PACSIN2: variants seen among roughly 807,000 people sequenced by gnomAD.
PACSIN2 encodes protein kinase C and casein kinase substrate in neurons protein 2.
A neutral mutation model predicts 63.8 loss-of-function variants in PACSIN2; 25 were observed. That is an observed-to-expected ratio of 0.39 (90% confidence interval 0.29 to 0.55). The LOEUF (loss-of-function observed/expected upper bound fraction) is 0.55, where lower values mean the gene tolerates loss of function less well. Among genes scored for constraint, PACSIN2 ranks in the 20% least tolerant of loss-of-function variants. The pLI is 0.62. For synonymous variants in PACSIN2, 255 were observed against 256.2 expected, an observed-to-expected ratio of 1.00 and a Z score of 0.05; for missense variants, 518 against 646.9, an observed-to-expected ratio of 0.80 and a Z score of 2.16.
chr22:42,969,043 CTCCATCCA>C (rs60039459), intron 1 of PACSIN2, among the ~76,000 whole-genome samples: 1 of 150,772 alleles, frequency 6.6e-6, no homozygotes, highest in African/African-American at 2.4e-5. Context: ...ATCTATCTAT[CTCCATCCA>C]TCCATCCATC....
chr22:42,980,681 G>C (rs1237950328), intron 1 of PACSIN2, among the ~76,000 whole-genome samples: 32 of 111,198 alleles, frequency 2.9e-4, no homozygotes, highest in African/African-American at 1.0e-3. Context: ...TGGAGACGGG[G>C]TTTCGCTGTG....
chr22:42,937,184 G>T (rs1601547614), intron 1 of PACSIN2, among the ~76,000 whole-genome samples: 1 of 152,104 alleles, frequency 6.6e-6, no homozygotes. Flanking sequence ...GATGAGATAG[G>T]GAGGAGACAG....
At chr22:42,983,547 C>CA (rs964512215) in intron 1 of PACSIN2, among the ~76,000 whole-genome samples, 9 of 146,782 alleles carry the variant, frequency 6.1e-5, no homozygotes, top group East Asian at 4.1e-4. Flanking sequence ...GTGGCATATG[C>CA]AAAAAAAATA....
chr22:42,978,866 T>G (rs1210648814), intron 1 of PACSIN2, among the ~76,000 whole-genome samples: 1 of 152,186 alleles, frequency 6.6e-6, no homozygotes, highest in Non-Finnish European at 1.5e-5. Flanking sequence ...CTTTGGGAAA[T>G]CTCCCTACTC....
chr22:43,013,921 GC>G (rs1237624677), intron 1 of PACSIN2, among the ~76,000 whole-genome samples: 2 of 152,184 alleles, frequency 1.3e-5, no homozygotes. Flanking sequence ...CACACACCCA[GC>G]CAAAGGCCAC....
intron 1 of PACSIN2, among the ~76,000 whole-genome samples, chr22:42,941,568 T>C (rs944334083): frequency 6.6e-6 from 1 of 152,222 alleles, no homozygotes; most frequent in African/African-American, 2.4e-5. Context: ...TGTTGTCTTT[T>C]TTATTGTAAC....
chr22:42,997,189 G>A (rs1050298184), intron 1 of PACSIN2, among the ~76,000 whole-genome samples: 1 of 152,210 alleles, frequency 6.6e-6, no homozygotes, highest in Non-Finnish European at 1.5e-5. Context: ...CATGGACTAC[G>A]TTGTTCCTGT....
intron 1 of PACSIN2, among the ~76,000 whole-genome samples, chr22:42,986,535 G>A (rs1367131099): frequency 6.6e-6 from 1 of 152,142 alleles, no homozygotes; most frequent in Non-Finnish European, 1.5e-5. Context: ...ACAGTTCACG[G>A]AGGCCTTTTG....
intron 1 of PACSIN2, among the ~76,000 whole-genome samples, chr22:42,926,606 AAG>A (rs1354269171): frequency 2.0e-5 from 3 of 152,134 alleles, no homozygotes; most frequent in African/African-American, 4.8e-5. Context: ...AAAAGAGAAA[AAG>A]AGAGGGGGGA....
At chr22:42,961,046 G>C (rs566062756) in intron 1 of PACSIN2, among the ~76,000 whole-genome samples, 1 of 152,280 alleles carries the variant, frequency 6.6e-6, no homozygotes, top group South Asian at 2.1e-4. Flanking sequence ...AGTGGTAATG[G>C]CCAGGGCAGG....
At chr22:42,902,003 T>C (rs1370240106) in intron 2 of PACSIN2, among the ~76,000 whole-genome samples, 1 of 152,226 alleles carries the variant, frequency 6.6e-6, no homozygotes, top group Non-Finnish European at 1.5e-5. Context: ...GAAGCATTCA[T>C]CACTCCATTT....
At chr22:42,940,549 C>T (rs1448421451) in intron 1 of PACSIN2, among the ~76,000 whole-genome samples, 5 of 152,190 alleles carry the variant, frequency 3.3e-5, no homozygotes, top group African/African-American at 9.7e-5. Context: ...GAAGCAGTGC[C>T]ACCAGAATAT....
At chr22:42,899,620 C>T (rs1446584784) in intron 2 of PACSIN2, among the ~76,000 whole-genome samples, 1 of 152,152 alleles carries the variant, frequency 6.6e-6, no homozygotes, top group Non-Finnish European at 1.5e-5. Context: ...GGCCTCTGTG[C>T]ACAACTAGGC....
chr22:42,914,035 G>A (rs532440510), intron 1 of PACSIN2, among the ~76,000 whole-genome samples: 1 of 152,354 alleles, frequency 6.6e-6, no homozygotes, highest in South Asian at 2.1e-4. Context: ...CAAAGACATT[G>A]CCGCTGTGAG....
chr22:42,898,215 A>G (rs570649162), intron 2 of PACSIN2, among the ~76,000 whole-genome samples: 6 of 151,938 alleles, frequency 3.9e-5, no homozygotes, highest in Admixed American at 6.5e-5. Flanking sequence ...GTTTCTCTGC[A>G]TACAGCACCC....
chr22:42,887,559 T>C (rs1602185768), intron 5 of PACSIN2, among the ~76,000 whole-genome samples: 1 of 152,130 alleles, frequency 6.6e-6, no homozygotes, highest in African/African-American at 2.4e-5. Flanking sequence ...CTGCAAATCC[T>C]GGTTGGGAAT....
At chr22:42,905,114 T>A (rs147661894) in intron 2 of PACSIN2, among the ~76,000 whole-genome samples, 1 of 152,176 alleles carries the variant, frequency 6.6e-6, no homozygotes, top group Non-Finnish European at 1.5e-5. Flanking sequence ...AAAAAAAATT[T>A]AAAAAATTTT....
At chr22:42,983,321 A>G (rs1369709695) in intron 1 of PACSIN2, among the ~76,000 whole-genome samples, 1 of 149,598 alleles carries the variant, frequency 6.7e-6, no homozygotes, top group Non-Finnish European at 1.5e-5. Context: ...CATCTCAAAA[A>G]AAAAAAAAAA....
At chr22:42,981,839 C>T (rs1203111786) in intron 1 of PACSIN2, among the ~76,000 whole-genome samples, 3 of 122,184 alleles carry the variant, frequency 2.5e-5, no homozygotes, top group Admixed American at 7.5e-5. Context: ...GTCAGCCCCC[C>T]GCCCGGCCAG....
Sources: gnomAD v4.1 joint callset for allele counts (sites outside exome capture counted in the v4.1 genomes callset) on GRCh38, gnomAD v4.1.1 for gene constraint, MANE v1.5 for transcripts, NCBI Gene and HGNC (gene_info 2026-07-23, HGNC 2026-07-21) for gene names.